Variants in PCDHGB1 observed in about 807,000 individuals in gnomAD.
The protein encoded by PCDHGB1 is protocadherin gamma subfamily B, 1, also known as protocadherin gamma-B1.
In PCDHGB1, 34 loss-of-function variants were observed where a neutral mutation model predicts 56.6. That is an observed-to-expected ratio of 0.60 (90% confidence interval 0.46 to 0.80). The LOEUF is 0.80. Among genes scored for constraint, PCDHGB1 ranks in the 30% least tolerant of loss-of-function variants. The pLI, the probability that PCDHGB1 is intolerant of heterozygous loss-of-function variation, is 0.00. For missense variants in PCDHGB1, 1,278 were observed against 1,204.6 expected, an observed-to-expected ratio of 1.06 and a Z score of -0.90; for synonymous variants, 561 against 505.9, an observed-to-expected ratio of 1.11 and a Z score of -1.46.
Position 141,487,256 on chromosome 5 carries a change from G to T in PCDHGB1, c.2410-7551G>T. On this transcript the variant is annotated intron_variant, in intron 1 of 3. Coordinates refer to ENST00000523390, the MANE Select transcript of PCDHGB1 (RefSeq NM_018922.3). This position sits in a 1 kb window ranked among gnomAD's most constrained non-coding sequence, Gnocchi z 5.0. Reference sequence around the variant, plus strand: ...ATCTCGTCTAACCCTCTACTTGGCTGTGTCCCTAGTGGCAATTTGCTTTGT... The same window carrying T: ...ATCTCGTCTAACCCTCTACTTGGCTTTGTCCCTAGTGGCAATTTGCTTTGT... The T allele has an allele frequency of 2.5e-6, 4 of 1,614,166 alleles. No homozygotes were observed. Among genetic ancestry groups the T allele is most frequent in the Non-Finnish European group, 2.5e-6 (3 of 1,180,032 alleles).
intron 1 of PCDHGB1, chr5:141,383,160 G>T (rs770719921): frequency 1.9e-6 from 3 of 1,613,316 alleles, no homozygotes; most frequent in Admixed American, 1.7e-5. Context: ...TGGTCACTGC[G>T]GGCAGGATAG....
At position 141,432,325 on chromosome 5, in the gene PCDHGB1, C is replaced by T. The variant is rs752180978; in HGVS notation, c.2410-62482C>T. ...TGTATGCGCTGAGCTCCTTCGACTACGAGCAGTTCCGAGACTTGCAAGTGA... is the reference window on the plus strand; with the variant it reads ...TGTATGCGCTGAGCTCCTTCGACTATGAGCAGTTCCGAGACTTGCAAGTGA... On this transcript the variant is annotated intron_variant, in intron 1 of 3. Coordinates refer to ENST00000523390, the MANE Select transcript of PCDHGB1 (RefSeq NM_018922.3). The surrounding 1 kb of genome is among the most constrained non-coding windows in gnomAD (Gnocchi z 6.0). 68 of 1,614,142 alleles carry T rather than the reference C, an allele frequency of 4.2e-5. No individual in the cohort carries two copies. Among genetic ancestry groups the T allele is most frequent in the Non-Finnish European group, 5.2e-5 (61 of 1,180,050 alleles).
chr5:141,370,759 T>A, intron 1 of PCDHGB1: 1 of 1,614,022 alleles, frequency 6.2e-7, no homozygotes, highest in Non-Finnish European at 8.5e-7. Context: ...GTAACTGTGC[T>A]GATCCAGGAT....
chr5:141,488,196 TA>T, intron 1 of PCDHGB1, among the ~76,000 whole-genome samples: 1 of 152,186 alleles, frequency 6.6e-6, no homozygotes, highest in Non-Finnish European at 1.5e-5. Context: ...GTCTGGGTCT[TA>T]GGACTCATAT....
intron 1 of PCDHGB1, among the ~76,000 whole-genome samples, chr5:141,358,422 T>C (rs1760913862): frequency 6.6e-6 from 1 of 152,208 alleles, no homozygotes; most frequent in South Asian, 2.1e-4. Context: ...GAAAGGGTAT[T>C]TTCCATTATA....
chr5:141,453,870 C>A (rs932804656), intron 1 of PCDHGB1, among the ~76,000 whole-genome samples: 2 of 152,146 alleles, frequency 1.3e-5, no homozygotes, highest in African/African-American at 4.8e-5. Context: ...AACAGATGAG[C>A]AAAATAATGT....
intron 1 of PCDHGB1, chr5:141,384,288 G>T (rs1367965791): frequency 1.9e-6 from 3 of 1,613,666 alleles, no homozygotes; most frequent in Non-Finnish European, 2.5e-6. Flanking sequence ...ACATCGCTGA[G>T]AACAACCCCA....
Position 141,371,988 on chromosome 5 carries a change from C to T in PCDHGB1, c.2409+19319C>T, listed in dbSNP as rs1283820650. 4 of 1,613,144 alleles carry T rather than the reference C, an allele frequency of 2.5e-6. No homozygotes were observed. The African/African-American group carries it at 5.3e-5, about 22-fold the overall frequency. The stretch of plus-strand genomic sequence containing the variant: ...GCAGCTGCGTGCCTTCGAGCTCACT[C>T]TGCAGGCCCGCGACCAGGGCTCGCC... On this transcript the variant is annotated intron_variant, in intron 1 of 3. Coordinates refer to ENST00000523390, the MANE Select transcript of PCDHGB1 (RefSeq NM_018922.3).
intron 1 of PCDHGB1, chr5:141,384,810 C>G: frequency 6.2e-7 from 1 of 1,613,420 alleles, no homozygotes; most frequent in Non-Finnish European, 8.5e-7. Flanking sequence ...ACAGAGATGC[C>G]CTCAAGCAGA....
chr5:141,371,249 C>A, intron 1 of PCDHGB1: 1 of 1,613,988 alleles, frequency 6.2e-7, no homozygotes, highest in Admixed American at 1.7e-5. Flanking sequence ...TCAATATTGG[C>A]AAGGAAGTGA....
chr5:141,430,822 G>C lies in PCDHGB1; in HGVS notation c.2410-63985G>C, dbSNP rs752634890. 5.8e-6 allele frequency: 9 copies of C among 1,542,380 alleles called. No homozygotes were observed. The African/African-American group carries it at 1.1e-4, about 19-fold the overall frequency. On this transcript the variant is annotated intron_variant, in intron 1 of 3. Transcript: ENST00000523390. ...TTGTCCTGCTGGGAATCCTCCTGGGGACTCTGTGGGAGACCGGATGCACCC... is the reference window on the plus strand; with the variant it reads ...TTGTCCTGCTGGGAATCCTCCTGGGCACTCTGTGGGAGACCGGATGCACCC...
rs1322608789 is a variant in PCDHGB1, at chr5:141,485,671, G to A, written c.2410-9136G>A. 3 of 1,612,860 alleles carry A rather than the reference G, an allele frequency of 1.9e-6. No homozygotes were observed. The highest frequency in any genetic ancestry group is 2.5e-6 in the Non-Finnish European group (3 of 1,179,040). On this transcript the variant is annotated intron_variant, in intron 1 of 3. Coordinates refer to ENST00000523390, the MANE Select transcript of PCDHGB1 (RefSeq NM_018922.3). This position sits in a 1 kb window ranked among gnomAD's most constrained non-coding sequence, Gnocchi z 5.7. Reference sequence around the variant, plus strand: ...AGGATGCAGATGTGGGGAGCAATTCGATTAGCAGCTATAGGCTGAGCTCCA... The same window carrying A: ...AGGATGCAGATGTGGGGAGCAATTCAATTAGCAGCTATAGGCTGAGCTCCA...
At position 141,432,395 on chromosome 5, in the gene PCDHGB1, G is replaced by T. The variant is rs748660079; in HGVS notation, c.2410-62412G>T. On this transcript the variant is annotated intron_variant, in intron 1 of 3. Coordinates refer to ENST00000523390, the MANE Select transcript of PCDHGB1 (RefSeq NM_018922.3). This position sits in a 1 kb window ranked among gnomAD's most constrained non-coding sequence, Gnocchi z 6.0. ...CGGGCACCCGCCCCTCAGCAGCAAC[G>T]TGTCGTTGAGCCTGTTCGTGCTGGA... 5 of 1,614,242 alleles carry T rather than the reference G, an allele frequency of 3.1e-6. No individual in the cohort carries two copies. In the East Asian group the frequency reaches 8.9e-5, roughly 29 times the overall value.
chr5:141,451,789 G>A (rs2098724524), intron 1 of PCDHGB1, among the ~76,000 whole-genome samples: 1 of 152,074 alleles, frequency 6.6e-6, no homozygotes, highest in South Asian at 2.1e-4. Flanking sequence ...GCTGAGGCCA[G>A]AGAATTGCTT....
Position 141,511,015 on chromosome 5 carries a change from C to T in PCDHGB1, c.2626C>T (p.Pro876Ser), listed in dbSNP as rs1430257603. The T allele has an allele frequency of 1.2e-6, 2 of 1,614,106 alleles. No homozygotes were observed. The highest frequency in any genetic ancestry group is 1.3e-5 in the African/African-American group (1 of 74,936). The stretch of plus-strand genomic sequence containing the variant: ...CATGGGATTGAGCGCCCGCTACGGA[C>T]CCCAGTTCACCCTGCAGCACGTGCC... ...GTMGLSARYG[P>S]QFTLQHVPDY... Residue 876 changes from proline (P) to serine (S), a missense_variant, in exon 4 of 4, where the codon CCC (proline) becomes TCC (serine). Coordinates refer to ENST00000523390, the MANE Select transcript of PCDHGB1 (RefSeq NM_018922.3).
rs771804151 is a variant in PCDHGB1, at chr5:141,486,704, A to G, written c.2410-8103A>G. On this transcript the variant is annotated intron_variant, in intron 1 of 3. Coordinates refer to ENST00000523390, the MANE Select transcript of PCDHGB1 (RefSeq NM_018922.3). The surrounding 1 kb of genome is among the most constrained non-coding windows in gnomAD (Gnocchi z 5.0). ...ATCAGCTTCCTCTTTCATCTCTCTG[A>G]ACCCCCAGACAGGAGCTGTTCATGC... 2.2e-5 allele frequency: 35 copies of G among 1,614,016 alleles called. No homozygotes were observed. Among genetic ancestry groups the G allele is most frequent in the Non-Finnish European group, 2.7e-5 (32 of 1,180,032 alleles).
rs983317324 is a variant in PCDHGB1, at chr5:141,431,891, G to A, written c.2410-62916G>A. The stretch of plus-strand genomic sequence containing the variant: ...AAATGTAAATGACCAAGATTCTGAG[G>A]AAAACGGACAGGTGATCTGTTTCAT... On this transcript the variant is annotated intron_variant, in intron 1 of 3. Transcript: ENST00000523390. The surrounding 1 kb of genome is among the most constrained non-coding windows in gnomAD (Gnocchi z 4.8). 16 of 1,614,072 alleles carry A rather than the reference G, an allele frequency of 9.9e-6. No homozygotes were observed. The highest frequency in any genetic ancestry group is 2.7e-5 in the African/African-American group (2 of 74,934).
At chr5:141,398,633 A>C (rs749131705) in intron 1 of PCDHGB1, 4 of 1,613,946 alleles carry the variant, frequency 2.5e-6, no homozygotes, top group Non-Finnish European at 3.4e-6. Flanking sequence ...TCTCTGCAGA[A>C]GTATAAACTC....
intron 1 of PCDHGB1, chr5:141,422,081 T>C: frequency 2.5e-6 from 4 of 1,612,346 alleles, no homozygotes; most frequent in Non-Finnish European, 3.4e-6. Context: ...TTTCGGAACA[T>C]GGAAAGCAAG....
Sources: gnomAD v4.1 joint callset for allele counts (sites outside exome capture counted in the v4.1 genomes callset) on GRCh38, gnomAD v4.1.1 for gene constraint, Gnocchi (gnomAD v3.1) non-coding constraint, MANE v1.5 for transcripts, NCBI Gene and HGNC (gene_info 2026-07-23, HGNC 2026-07-21) for gene names.